Variants in HOMER1 observed in about 807,000 individuals in gnomAD.
HOMER1 encodes homer scaffold protein 1.
A neutral mutation model predicts 48.9 loss-of-function variants in HOMER1; 3 were observed. The ratio of observed to expected loss-of-function variants is 0.06; its 90% confidence interval spans 0.03 to 0.16. The LOEUF (loss-of-function observed/expected upper bound fraction) is 0.16. Ranked by LOEUF, HOMER1 falls within the 10% of genes least tolerant of loss-of-function variation. HOMER1 has a pLI of 1.00. For synonymous variants in HOMER1, 134 were observed against 146.4 expected (o/e 0.92, Z 0.61); for missense variants, 247 against 411.4 (o/e 0.60, Z 3.46).
At chr5:79,383,534 C>T (rs566763099) in intron 8 of HOMER1, among the ~76,000 whole-genome samples, 15 of 152,096 alleles carry the variant, frequency 9.9e-5, no homozygotes, top group East Asian at 1.9e-4. Flanking sequence ...TACAGGTGCC[C>T]ACCACCATGC....
intron 1 of HOMER1, among the ~76,000 whole-genome samples, chr5:79,476,672 T>C (rs1034823987): frequency 6.6e-6 from 1 of 152,116 alleles, no homozygotes; most frequent in African/African-American, 2.4e-5. Flanking sequence ...GGGCAAAGTA[T>C]GGGGGAAAGG....
In HOMER1 at chr5:79,401,789, T is replaced by TA. The variant is rs138984219; in HGVS notation, c.684+109_684+110insT. 2.3e-3 allele frequency: 2,337 copies of TA among 1,021,314 alleles called. 47 individuals carry two copies. The African/African-American group carries it at 0.034, about 15-fold the overall frequency. The allele number at this position is 1,021,314 out of a possible 1,614,324, so 63.3% of individuals were successfully genotyped here. The stretch of plus-strand genomic sequence containing the variant: ...TATCATACAACCCATATCTATGTTC[T>TA]GACATCCTAGAACTAGAAGATATCC... On this transcript the variant is annotated intron_variant, in intron 6 of 8. Coordinates refer to ENST00000334082, the MANE Select transcript of HOMER1 (RefSeq NM_004272.5).
At chr5:79,464,544 G>T (rs1395487027) in intron 1 of HOMER1, among the ~76,000 whole-genome samples, 1 of 152,162 alleles carries the variant, frequency 6.6e-6, no homozygotes, top group African/African-American at 2.4e-5. Flanking sequence ...CATGACTTTG[G>T]ATGCAGCAGC....
chr5:79,373,300 T>C lies in HOMER1; in HGVS notation c.*2709A>G, dbSNP rs1309095726. ...CAAAATAAAAACTGTATTTTTGCTT[T>C]TCTTTTTTTTTTTCAATTTTTGTTT... is the stretch of plus-strand genomic sequence containing the variant. On this transcript the variant is annotated 3_prime_UTR_variant, in exon 9 of 9. Coordinates refer to ENST00000334082, the MANE Select transcript of HOMER1 (RefSeq NM_004272.5). 1 of 151,980 alleles carries C rather than the reference T, an allele frequency of 6.6e-6. No homozygotes were observed. Among genetic ancestry groups the C allele is most frequent in the African/African-American group, 2.4e-5 (1 of 41,390 alleles). 9.4% of individuals were successfully genotyped at this position (151,980 alleles called of 1,614,324 possible). A position where few individuals can be genotyped will look rare whatever the true frequency, so the allele number is the denominator to read the frequency against.
intron 1 of HOMER1, among the ~76,000 whole-genome samples, chr5:79,502,998 G>A (rs1290795490): frequency 1.3e-5 from 2 of 152,010 alleles, no homozygotes; most frequent in African/African-American, 2.4e-5. Flanking sequence ...CACCGTGTTA[G>A]CCAGGACGGT....
intron 8 of HOMER1, among the ~76,000 whole-genome samples, chr5:79,391,142 GTT>G (rs1291878932): frequency 7.1e-6 from 1 of 141,010 alleles, no homozygotes; most frequent in Non-Finnish European, 1.6e-5. Flanking sequence ...TTTTTTTTTT[GTT>G]TTTTTTTTTT....
intron 5 of HOMER1, among the ~76,000 whole-genome samples, chr5:79,424,396 A>G (rs1750185995): frequency 6.6e-6 from 1 of 152,086 alleles, no homozygotes; most frequent in East Asian, 1.9e-4. Context: ...AAAATGCAAC[A>G]TTCCATGCAA....
intron 1 of HOMER1, among the ~76,000 whole-genome samples, chr5:79,500,927 T>TCGTGTGTGTGTG (rs1752559296): frequency 8.0e-6 from 1 of 124,324 alleles, no homozygotes; most frequent in African/African-American, 3.7e-5. Context: ...ACCCAGCCAT[T>TCGTGTGTGTGTG]TGTGTGTGTG....
intron 5 of HOMER1, among the ~76,000 whole-genome samples, chr5:79,434,115 T>C (rs1750505114): frequency 6.6e-6 from 1 of 152,134 alleles, no homozygotes; most frequent in South Asian, 2.1e-4. Flanking sequence ...AGTACAAAAA[T>C]AGCTTCACAA....
chr5:79,492,907 C>CTTT lies in HOMER1; in HGVS notation c.5+19860_5+19862dup, dbSNP rs558428061. ...AGAATGAAGAAAACGAAAACTTTGT[C>CTTT]TTTTTTTTTTTTTTTTTTTTTTTTT... On this transcript the variant is annotated intron_variant, in intron 1 of 8. Transcript: ENST00000334082. 1.1e-3 allele frequency among the ~76,000 whole-genome samples: 95 copies of CTTT among 84,030 alleles called. 5 individuals carry two copies. Among genetic ancestry groups the CTTT allele is most frequent in the South Asian group, 2.9e-3 (5 of 1,718 alleles). The allele number at this position is 84,030 out of a possible 152,430, so 55.1% of individuals were successfully genotyped here.
intron 1 of HOMER1, among the ~76,000 whole-genome samples, chr5:79,457,472 G>C (rs937171498): frequency 6.6e-6 from 1 of 152,120 alleles, no homozygotes; most frequent in Non-Finnish European, 1.5e-5. Flanking sequence ...TTCACACTTT[G>C]TTGGTGCTTT....
chr5:79,379,079 C>CATATATATATATATAT lies in HOMER1; in HGVS notation c.877-2898_877-2883dup, dbSNP rs3082000. On this transcript the variant is annotated intron_variant, in intron 8 of 8. Coordinates refer to ENST00000334082, the MANE Select transcript of HOMER1 (RefSeq NM_004272.5). ...ACTTCTTAGGTGTCTACCTTTTGTC[C>CATATATATATATATAT]ATATATATATATATATATATATATA... Among the ~76,000 whole-genome samples, 13 of 55,216 alleles carry CATATATATATATATAT rather than the reference C, an allele frequency of 2.4e-4. 1 individual carries two copies. The highest frequency in any genetic ancestry group is 7.1e-4 in the South Asian group (1 of 1,404). 36.2% of individuals were successfully genotyped at this position (55,216 alleles called of 152,430 possible). A position where few individuals can be genotyped will look rare whatever the true frequency, so the allele number is the denominator to read the frequency against.
rs538918350 is a variant in HOMER1, at chr5:79,375,368, A to G, written c.*641T>C. 6.6e-6 allele frequency: 1 copy of G among 152,222 alleles called. No individual in the cohort carries two copies. Among genetic ancestry groups the G allele is most frequent in the East Asian group, 1.9e-4 (1 of 5,192 alleles). 9.4% of individuals were successfully genotyped at this position (152,222 alleles called of 1,614,324 possible). A position where few individuals can be genotyped will look rare whatever the true frequency, so the allele number is the denominator to read the frequency against. On this transcript the variant is annotated 3_prime_UTR_variant, in exon 9 of 9. Transcript: ENST00000334082. ...TATACAACAGACAAGATTAGAGAAC[A>G]CCAGAGTGTACCAGAGTAGTCACCA...
intron 1 of HOMER1, among the ~76,000 whole-genome samples, chr5:79,478,640 A>G (rs1275523770): frequency 6.6e-6 from 1 of 151,480 alleles, no homozygotes; most frequent in African/African-American, 2.4e-5. Flanking sequence ...GTCATTCAAA[A>G]TAATTCCAAT....
chr5:79,489,306 T>G (rs1455797189), intron 1 of HOMER1, among the ~76,000 whole-genome samples: 2 of 152,210 alleles, frequency 1.3e-5, no homozygotes, highest in Non-Finnish European at 2.9e-5. Flanking sequence ...GGTGGACATT[T>G]CTATTTCTAA....
intron 1 of HOMER1, among the ~76,000 whole-genome samples, chr5:79,508,827 C>T (rs1019725265): frequency 3.9e-5 from 6 of 152,216 alleles, no homozygotes; most frequent in Non-Finnish European, 8.8e-5. Flanking sequence ...GCTTGACTGT[C>T]TGCCCAACTT....
At chr5:79,464,121 T>C (rs958564265) in intron 1 of HOMER1, among the ~76,000 whole-genome samples, 1 of 152,136 alleles carries the variant, frequency 6.6e-6, no homozygotes, top group African/African-American at 2.4e-5. Flanking sequence ...TACACTTACA[T>C]AACAATTAAC....
chr5:79,386,084 T>C (rs547722717), intron 8 of HOMER1, among the ~76,000 whole-genome samples: 1 of 152,034 alleles, frequency 6.6e-6, no homozygotes, highest in South Asian at 2.1e-4. Context: ...AATAAAAAAC[T>C]AACATACAAT....
chr5:79,495,039 T>C (rs150979799), intron 1 of HOMER1, among the ~76,000 whole-genome samples: 5 of 152,354 alleles, frequency 3.3e-5, no homozygotes, highest in African/African-American at 1.2e-4. Context: ...TCTATTTTTA[T>C]ATGTTTTATT....
Sources: gnomAD v4.1 joint callset for allele counts (sites outside exome capture counted in the v4.1 genomes callset) on GRCh38, gnomAD v4.1.1 for gene constraint, MANE v1.5 for transcripts, NCBI Gene and HGNC (gene_info 2026-07-23, HGNC 2026-07-21) for gene names.